PPP3CA: variants seen among roughly 807,000 people sequenced by gnomAD.
PPP3CA encodes the protein protein phosphatase 3 catalytic subunit alpha.
PPP3CA carries 14 observed loss-of-function variants against 66.5 expected under a neutral mutation model. The observed-to-expected ratio is 0.21, with a 90% confidence interval of 0.14 to 0.33. The LOEUF (loss-of-function observed/expected upper bound fraction) is 0.33, where lower values mean the gene tolerates loss of function less well. Ranked by LOEUF, PPP3CA falls within the 10% of genes least tolerant of loss-of-function variation. The pLI is 1.00. For synonymous variants in PPP3CA, 232 were observed against 226.2 expected (o/e 1.03, Z -0.23); for missense variants, 317 against 639.5 (o/e 0.50, Z 5.44).
intron 13 of PPP3CA, among the ~76,000 whole-genome samples, chr4:101,026,773 C>T (rs3804350): frequency 0.39 from 58,979 of 151,898 alleles, 13,990 homozygotes; most frequent in African/African-American, 0.67. Flanking sequence ...AGAAATGTAT[C>T]GTCTGCCCTT....
At chr4:101,029,234 A>G in intron 12 of PPP3CA, 39 bp from the exon 13 acceptor site, 2 of 1,565,126 alleles carry the variant, frequency 1.3e-6, no homozygotes, top group Non-Finnish European at 1.8e-6. Flanking sequence ...AATGAGAAAA[A>G]TGAGCAGAGG....
chr4:101,140,062 T>C (rs1362362662), intron 2 of PPP3CA, among the ~76,000 whole-genome samples: 1 of 152,204 alleles, frequency 6.6e-6, no homozygotes, highest in East Asian at 1.9e-4. Flanking sequence ...TTTACTAGAA[T>C]AGTATTATGA....
At chr4:101,099,214 A>G (rs758354833) in intron 4 of PPP3CA, among the ~76,000 whole-genome samples, 2 of 152,156 alleles carry the variant, frequency 1.3e-5, no homozygotes, top group African/African-American at 2.4e-5. Context: ...CTTCAGTTTT[A>G]TAAGATTCAC....
At chr4:101,229,764 G>T (rs539421282) in intron 1 of PPP3CA, among the ~76,000 whole-genome samples, 1 of 151,534 alleles carries the variant, frequency 6.6e-6, no homozygotes, top group Non-Finnish European at 1.5e-5. Flanking sequence ...CAATGGAGAG[G>T]GTGAAAAGGG....
At chr4:101,068,456 G>A (rs1250741874) in intron 8 of PPP3CA, among the ~76,000 whole-genome samples, 1 of 150,654 alleles carries the variant, frequency 6.6e-6, no homozygotes, top group East Asian at 1.9e-4. Context: ...AGATTATGCT[G>A]GTATGCTGCA....
intron 2 of PPP3CA, among the ~76,000 whole-genome samples, chr4:101,119,854 A>G (rs939868023): frequency 3.3e-5 from 5 of 152,086 alleles, no homozygotes; most frequent in Admixed American, 2.6e-4. Context: ...CTATTCTTAT[A>G]TGGCAATATT....
intron 1 of PPP3CA, among the ~76,000 whole-genome samples, chr4:101,228,318 G>A (rs1356403091): frequency 6.6e-6 from 1 of 151,414 alleles, no homozygotes; most frequent in Non-Finnish European, 1.5e-5. Context: ...AAATTATTGA[G>A]GTGCTAATAT....
At chr4:101,219,773 T>C (rs1725566386) in intron 1 of PPP3CA, among the ~76,000 whole-genome samples, 1 of 151,760 alleles carries the variant, frequency 6.6e-6, no homozygotes, top group Non-Finnish European at 1.5e-5. Flanking sequence ...CATGTAACAA[T>C]GCAGACTGAT....
chr4:101,236,318 C>T (rs141235331), intron 1 of PPP3CA, among the ~76,000 whole-genome samples: 1,785 of 151,938 alleles, frequency 0.012, 7 homozygotes, highest in Non-Finnish European at 0.017. Flanking sequence ...AAAGCACATT[C>T]TAGGCACAGA....
chr4:101,325,325 C>T (rs569220690), intron 1 of PPP3CA, among the ~76,000 whole-genome samples: 2 of 152,294 alleles, frequency 1.3e-5, no homozygotes, highest in African/African-American at 4.8e-5. Flanking sequence ...TTCTACCATG[C>T]TTCCAGGCAA....
intron 1 of PPP3CA, among the ~76,000 whole-genome samples, chr4:101,280,630 G>A (rs1014823118): frequency 1.3e-5 from 2 of 152,008 alleles, no homozygotes; most frequent in African/African-American, 2.4e-5. Flanking sequence ...GACCGGCCTA[G>A]CCAACATAGT....
At chr4:101,229,835 T>A (rs529823403) in intron 1 of PPP3CA, among the ~76,000 whole-genome samples, 4 of 151,374 alleles carry the variant, frequency 2.6e-5, no homozygotes, top group Non-Finnish European at 5.9e-5. Context: ...GCTTTGTGAG[T>A]AGCAGTTGTT....
chr4:101,117,972 A>G (rs997446082), intron 2 of PPP3CA, among the ~76,000 whole-genome samples: 1 of 151,976 alleles, frequency 6.6e-6, no homozygotes, highest in Non-Finnish European at 1.5e-5. Context: ...ATAAATTACT[A>G]ATTTTCACTT....
chr4:101,098,246 A>T, intron 5 of PPP3CA, 121 bp downstream of exon 5: 1 of 1,117,868 alleles, frequency 8.9e-7, no homozygotes, highest in Non-Finnish European at 1.2e-6. Context: ...GCGATTCATG[A>T]CCACTTTAAA....
In PPP3CA at chr4:101,123,906, G is replaced by A. The variant is rs1722114240; in HGVS notation, c.260-14828C>T. On this transcript the variant is annotated intron_variant, in intron 2 of 13. Coordinates refer to ENST00000394854, the MANE Select transcript of PPP3CA (RefSeq NM_000944.5). ...TTGTAAAGATAAAAAATTTGATAAA[G>A]TTGTAGTAACTTGTACAGAATAGTA... is the stretch of plus-strand genomic sequence containing the variant. Among the ~76,000 whole-genome samples, 7 of 152,172 alleles carry A rather than the reference G, an allele frequency of 4.6e-5. No individual in the cohort carries two copies. In the South Asian group the frequency reaches 1.4e-3, roughly 32 times the overall value.
chr4:101,168,227 A>G (rs976611509), intron 2 of PPP3CA, among the ~76,000 whole-genome samples: 1 of 152,204 alleles, frequency 6.6e-6, no homozygotes, highest in Non-Finnish European at 1.5e-5. Flanking sequence ...CAGGATGGAG[A>G]AAAAATAGAA....
chr4:101,077,322 A>G (rs1040291533), intron 8 of PPP3CA, among the ~76,000 whole-genome samples: 3 of 152,228 alleles, frequency 2.0e-5, no homozygotes, highest in African/African-American at 7.2e-5. Flanking sequence ...AGCTTTAAGA[A>G]TCAAATCATA....
intron 1 of PPP3CA, 148 bp downstream of exon 1, chr4:101,346,591 G>T: frequency 1.5e-6 from 1 of 650,110 alleles, no homozygotes; most frequent in Non-Finnish European, 2.5e-6. Flanking sequence ...CGCGGGGTTC[G>T]CGGGTTGCAC....
intron 1 of PPP3CA, among the ~76,000 whole-genome samples, chr4:101,222,868 AG>A (rs1553933935): frequency 9.4e-6 from 1 of 106,226 alleles, no homozygotes; most frequent in East Asian, 4.4e-4. Context: ...ACAGTTATCA[AG>A]AGCTAGATTA....
Sources: allele counts gnomAD v4.1 joint callset (sites outside exome capture counted in the v4.1 genomes callset), GRCh38; gene constraint gnomAD v4.1.1; transcripts MANE v1.5; gene names NCBI Gene and HGNC (gene_info 2026-07-23, HGNC 2026-07-21).